The following FAM170A variants were observed in gnomAD, a reference collection of about 807,000 sequenced individuals.
The protein encoded by FAM170A is family with sequence similarity 170 member A, also known as protein FAM170A.
In FAM170A, 28 loss-of-function variants were observed where a neutral mutation model predicts 36.6. That is an observed-to-expected ratio of 0.76 (90% CI 0.57 to 1.05). The LOEUF (loss-of-function observed/expected upper bound fraction) is 1.05. Ranked by LOEUF, FAM170A falls within the 50% of genes least tolerant of loss-of-function variation. The pLI is 0.00. For missense variants in FAM170A, 434 were observed against 396.5 expected, an observed-to-expected ratio of 1.09 and a Z score of -0.80; for synonymous variants, 156 against 143.9, an observed-to-expected ratio of 1.08 and a Z score of -0.60.
At chr5:119,629,793 C>T in exon 1 of FAM170A, 1 of 1,613,666 alleles carries the variant, frequency 6.2e-7, no homozygotes, top group East Asian at 2.2e-5. Context: ...AAAGAGGAAA[C>T]ATTTGGAAAA....
Position 119,629,846 on chromosome 5 carries a change from C to T in FAM170A, c.70+8C>T. 3.1e-6 allele frequency: 5 copies of T among 1,608,928 alleles called. No homozygotes were observed. Among genetic ancestry groups the T allele is most frequent in the East Asian group, 2.2e-5 (1 of 44,798 alleles). ...CCGCTGAGAAGGGAGGAGGTATGTGCGGGGCAAACTTTCTGGGGCACAAGC... is the reference window on the plus strand; with the variant it reads ...CCGCTGAGAAGGGAGGAGGTATGTGTGGGGCAAACTTTCTGGGGCACAAGC... On this transcript the variant is annotated splice_region_variant and intron_variant, in intron 1 of 4. Coordinates refer to ENST00000613773, the Ensembl canonical transcript of FAM170A.
chr5:119,634,373 G>C lies in FAM170A; in HGVS notation c.625G>C (p.Val209Leu), dbSNP rs369994686. 4 of 1,614,234 alleles carry C rather than the reference G, an allele frequency of 2.5e-6. No individual in the cohort carries two copies. The East Asian group carries it at 6.7e-5, about 27-fold the overall frequency. The change falls in exon 3 of 5, where the codon GTT (valine) becomes CTT (leucine). Residue 209 changes from valine (V) to leucine (L), a missense_variant. Transcript: ENST00000613773. Reference sequence around the variant, plus strand: ...AGACAGCCTGCCAGGCTCACCCACCGTTGAGGACACACCCAGAGCCAAGAC... The same window carrying C: ...AGACAGCCTGCCAGGCTCACCCACCCTTGAGGACACACCCAGAGCCAAGAC...
exon 1 of FAM170A, chr5:119,629,653 G>A (rs1756197501): frequency 9.0e-6 from 7 of 780,092 alleles, no homozygotes; most frequent in Admixed American, 2.1e-5. Flanking sequence ...ATTCAACTAC[G>A]TTTACTCGTA....
chr5:119,632,770 T>C, exon 2 of FAM170A: 1 of 1,606,110 alleles, frequency 6.2e-7, no homozygotes, highest in Non-Finnish European at 8.5e-7. Flanking sequence ...CCCAAGAGGA[T>C]GCCCTGCAGC....
At chr5:119,633,710 G>A (rs1756306780) in intron 2 of FAM170A, among the ~76,000 whole-genome samples, 1 of 151,886 alleles carries the variant, frequency 6.6e-6, no homozygotes, top group South Asian at 2.1e-4. Context: ...ACATGCTGCC[G>A]ACATTCCACA....
At chr5:119,635,180 G>C in intron 4 of FAM170A, 94 bp downstream of exon 4, 5 of 847,092 alleles carry the variant, frequency 5.9e-6, no homozygotes, top group South Asian at 2.9e-5. Context: ...GGGTCACCTG[G>C]TGGCTCTGCA....
At chr5:119,633,809 A>G in intron 2 of FAM170A, 151 bp from the exon 3 acceptor site, 1 of 984,458 alleles carries the variant, frequency 1.0e-6, no homozygotes. Context: ...TAGAATCACT[A>G]CCCCACAATA....
At position 119,635,121 on chromosome 5, in the gene FAM170A, G is replaced by A. The variant is rs1339938794; in HGVS notation, c.*52+35G>A. 3.4e-6 allele frequency: 5 copies of A among 1,480,864 alleles called. No individual in the cohort carries two copies. The East Asian group carries it at 9.0e-5, about 27-fold the overall frequency. The allele number at this position is 1,480,864 out of a possible 1,614,324, so 91.7% of individuals were successfully genotyped here. On this transcript the variant is annotated intron_variant, in intron 4 of 4. Transcript: ENST00000613773. ...GAGACTTGCAGTTTTCTGAGGCTGTGTTGTGAGGGCCCAGAGGAATCCAAG... is the reference window on the plus strand; with the variant it reads ...GAGACTTGCAGTTTTCTGAGGCTGTATTGTGAGGGCCCAGAGGAATCCAAG...
At chr5:119,633,663 A>C (rs778256354) in intron 2 of FAM170A, among the ~76,000 whole-genome samples, 9 of 151,970 alleles carry the variant, frequency 5.9e-5, no homozygotes, top group Non-Finnish European at 8.8e-5. Context: ...CAAATAACAC[A>C]TCAATGATGG....
rs184849134 is a variant in FAM170A at position 119,631,984 on chromosome 5, A to G, written c.71-764A>G. 1.2e-3 allele frequency among the ~76,000 whole-genome samples: 177 copies of G among 152,338 alleles called. 1 individual carries two copies. Among genetic ancestry groups the G allele is most frequent in the African/African-American group, 3.9e-3 (162 of 41,574 alleles). Reference sequence around the variant, plus strand: ...GATAAACCACCAATGATTTTTTAGTATAAGTGTGTCCCAAATATTTTATGG... The same window carrying G: ...GATAAACCACCAATGATTTTTTAGTGTAAGTGTGTCCCAAATATTTTATGG... On this transcript the variant is annotated intron_variant, in intron 1 of 4. Coordinates refer to ENST00000613773, the Ensembl canonical transcript of FAM170A.
At chr5:119,634,732 G>A (rs1756342901) in exon 3 of FAM170A, 2 of 1,534,116 alleles carry the variant, frequency 1.3e-6, no homozygotes, top group African/African-American at 1.4e-5. Flanking sequence ...CAAAGGACAG[G>A]AAGTGAGCAA....
intron 1 of FAM170A, among the ~76,000 whole-genome samples, chr5:119,630,897 T>C (rs970973991): frequency 3.3e-5 from 5 of 152,228 alleles, no homozygotes; most frequent in African/African-American, 9.6e-5. Flanking sequence ...GAAAAATATC[T>C]TGAGAAGTGA....
exon 3 of FAM170A, chr5:119,634,163 G>T: frequency 6.2e-7 from 1 of 1,614,240 alleles, no homozygotes; most frequent in Non-Finnish European, 8.5e-7. Flanking sequence ...GAACAAAGGT[G>T]TGGCTGTCTC....
chr5:119,629,661 G>A (rs1756197690), exon 1 of FAM170A: 5 of 830,034 alleles, frequency 6.0e-6, no homozygotes, highest in East Asian at 5.4e-5. Flanking sequence ...ACGTTTACTC[G>A]TACTGAATCT....
At chr5:119,634,686 C>G (rs1443668947) in exon 3 of FAM170A, 1 of 1,563,988 alleles carries the variant, frequency 6.4e-7, no homozygotes. Flanking sequence ...CTGAGGAGAT[C>G]CTGGAGCCAA....
intron 3 of FAM170A, 116 bp from the exon 4 acceptor site, chr5:119,634,912 G>A (rs1756346773): frequency 2.2e-6 from 3 of 1,390,072 alleles, no homozygotes; most frequent in Admixed American, 1.8e-5. Context: ...ATCTAATAAA[G>A]TCTCGATTGT....
intron 1 of FAM170A, 34 bp downstream of exon 1, chr5:119,629,872 G>A (rs376574726): frequency 3.3e-6 from 5 of 1,537,568 alleles, no homozygotes; most frequent in South Asian, 1.1e-5. Context: ...GGGCACAAGC[G>A]TCACTGGCCA....
chr5:119,633,443 C>G (rs1350238560), intron 2 of FAM170A, among the ~76,000 whole-genome samples: 1 of 152,046 alleles, frequency 6.6e-6, no homozygotes, highest in African/African-American at 2.4e-5. Flanking sequence ...AGATTAAGCA[C>G]TTTCATCGGA....
At chr5:119,634,917 G>C (rs1297873582) in intron 3 of FAM170A, 111 bp from the exon 4 acceptor site, 6 of 1,421,306 alleles carry the variant, frequency 4.2e-6, no homozygotes, top group South Asian at 2.5e-5. Context: ...ATAAAGTCTC[G>C]ATTGTAAGTC....
Sources: allele counts gnomAD v4.1 joint callset (sites outside exome capture counted in the v4.1 genomes callset), GRCh38; gene constraint gnomAD v4.1.1; transcripts MANE v1.5; gene names NCBI Gene and HGNC (gene_info 2026-07-23, HGNC 2026-07-21).